The following MARK1 variants were observed in gnomAD, a reference collection of about 807,000 sequenced individuals.
MARK1 encodes the protein microtubule affinity regulating kinase 1.
In MARK1, 40 loss-of-function variants were observed where a neutral mutation model predicts 96.3. That is an observed-to-expected ratio of 0.42 (90% CI 0.32 to 0.54). The LOEUF (loss-of-function observed/expected upper bound fraction) is 0.54. Among genes scored for constraint, MARK1 ranks in the 20% least tolerant of loss-of-function variants. MARK1 has a pLI of 0.16. For missense variants in MARK1, 719 were observed against 984.6 expected (o/e 0.73, Z 3.61); for synonymous variants, 317 against 341.2 (o/e 0.93, Z 0.78).
rs1241818510 is a variant in MARK1, at chr1:220,627,197, A to G, written c.910-3838A>G. 4.8e-5 allele frequency: 23 copies of G among 476,694 alleles called. 1 individual carries two copies. Among genetic ancestry groups the G allele is most frequent in the South Asian group, 3.9e-4 (23 of 59,356 alleles). The allele number at this position is 476,694 out of a possible 1,614,324, so 29.5% of individuals were successfully genotyped here. A position where few individuals can be genotyped will look rare whatever the true frequency, so the allele number is the denominator to read the frequency against. ...GAGGAGAGTGGCGATGAGAGCGAAG[A>G]AGACCCTGACAAATGGATCTCGATC... On this transcript the variant is annotated intron_variant, in intron 9 of 17. Coordinates refer to ENST00000366917, the MANE Select transcript of MARK1 (RefSeq NM_018650.5).
At chr1:220,568,277 C>T (rs188178761) in intron 1 of MARK1, among the ~76,000 whole-genome samples, 1 of 152,180 alleles carries the variant, frequency 6.6e-6, no homozygotes, top group African/African-American at 2.4e-5. Context: ...AAGTAAACCT[C>T]ACTGCAAAGA....
At chr1:220,578,221 T>C (rs2589578) in intron 1 of MARK1, among the ~76,000 whole-genome samples, 28,240 of 152,244 alleles carry the variant, frequency 0.19, 3,339 homozygotes, top group East Asian at 0.36. Context: ...GTGTTTATTA[T>C]GTGTGATTCA....
chr1:220,574,429 TTC>T (rs1663691475), intron 1 of MARK1, among the ~76,000 whole-genome samples: 1 of 152,210 alleles, frequency 6.6e-6, no homozygotes, highest in Non-Finnish European at 1.5e-5. Context: ...TCCCAAGGTT[TTC>T]TCTCTCACTT....
intron 1 of MARK1, among the ~76,000 whole-genome samples, chr1:220,573,848 G>A (rs1437902634): frequency 6.6e-6 from 1 of 151,070 alleles, no homozygotes; most frequent in Admixed American, 6.6e-5. Context: ...ATATATTGTA[G>A]TATATATGTA....
intron 1 of MARK1, among the ~76,000 whole-genome samples, chr1:220,572,297 A>G (rs1258697820): frequency 6.6e-6 from 1 of 152,016 alleles, no homozygotes; most frequent in Admixed American, 6.5e-5. Context: ...GCTGGAGTAC[A>G]ATGGTGCGAT....
rs776815992 is a variant in MARK1 at position 220,635,948 on chromosome 1, A to C, written c.1392A>C (p.Thr464=). The part of the protein sequence containing the change: ...DKDVARKLGS[T]TVGSKSEMTA... Reference sequence around the variant, plus strand: ...ATGTGGCTCGAAAACTTGGCAGCACAACAGTTGGATCAAAAAGCGAGATGA... The same window carrying C: ...ATGTGGCTCGAAAACTTGGCAGCACCACAGTTGGATCAAAAAGCGAGATGA... The change falls in exon 13 of 18, where the codon ACA becomes ACC. Residue 464 remains threonine (T), a synonymous_variant. Coordinates refer to ENST00000366917, the MANE Select transcript of MARK1 (RefSeq NM_018650.5). 9.3e-6 allele frequency: 15 copies of C among 1,613,994 alleles called. No individual in the cohort carries two copies. In the African/African-American group the frequency reaches 1.9e-4, roughly 20 times the overall value.
chr1:220,606,677 T>A (rs949284832), intron 6 of MARK1, among the ~76,000 whole-genome samples: 1 of 152,216 alleles, frequency 6.6e-6, no homozygotes, highest in Non-Finnish European at 1.5e-5. Flanking sequence ...TTTAAGTCTT[T>A]AATCCATCTT....
chr1:220,599,000 T>A (rs1452555092), intron 4 of MARK1, among the ~76,000 whole-genome samples: 1 of 151,906 alleles, frequency 6.6e-6, no homozygotes, highest in Non-Finnish European at 1.5e-5. Context: ...TCTAAATAGA[T>A]ATTGCAGGTC....
intron 1 of MARK1, among the ~76,000 whole-genome samples, chr1:220,574,841 A>G (rs1572106586): frequency 6.6e-6 from 1 of 152,190 alleles, no homozygotes; most frequent in East Asian, 1.9e-4. Context: ...TATTGGTGCT[A>G]ATATCACTTG....
chr1:220,632,326 C>A lies in MARK1; in HGVS notation c.1122+13C>A. The stretch of plus-strand genomic sequence containing the variant: ...AAAACCACCTGAAGTAAGTTTTTCA[C>A]CTTTTCAGATTACTGTGAATTATTT... On this transcript the variant is annotated intron_variant, in intron 11 of 17. Coordinates refer to ENST00000366917, the MANE Select transcript of MARK1 (RefSeq NM_018650.5). The A allele has an allele frequency of 8.4e-7, 1 of 1,196,086 alleles. No individual in the cohort carries two copies. Among genetic ancestry groups the A allele is most frequent in the Non-Finnish European group, 1.2e-6 (1 of 841,768 alleles). The allele number at this position is 1,196,086 out of a possible 1,614,324, so 74.1% of individuals were successfully genotyped here. A position where few individuals can be genotyped will look rare whatever the true frequency, so the allele number is the denominator to read the frequency against.
At chr1:220,603,304 C>G (rs1363332227) in intron 5 of MARK1, among the ~76,000 whole-genome samples, 2 of 151,980 alleles carry the variant, frequency 1.3e-5, no homozygotes, top group Admixed American at 1.3e-4. Context: ...GAAAAACTTA[C>G]AGACATGTAA....
intron 1 of MARK1, among the ~76,000 whole-genome samples, chr1:220,575,933 C>T (rs1006884341): frequency 1.2e-4 from 18 of 150,140 alleles, no homozygotes; most frequent in Non-Finnish European, 1.8e-4. Flanking sequence ...AAGGATTCTG[C>T]TCCCATACAG....
intron 5 of MARK1, among the ~76,000 whole-genome samples, chr1:220,601,643 G>C (rs774887017): frequency 6.6e-6 from 1 of 152,120 alleles, no homozygotes; most frequent in Non-Finnish European, 1.5e-5. Context: ...TTTGATATGG[G>C]AAATCATAGA....
At chr1:220,565,097 T>C (rs1337632759) in intron 1 of MARK1, among the ~76,000 whole-genome samples, 2 of 152,202 alleles carry the variant, frequency 1.3e-5, no homozygotes, top group Non-Finnish European at 2.9e-5. Flanking sequence ...TATATTTCAG[T>C]AAGGTATTGT....
chr1:220,657,777 A>G lies in MARK1; in HGVS notation c.1989-13A>G, dbSNP rs780522290. 4 of 1,556,204 alleles carry G rather than the reference A, an allele frequency of 2.6e-6. No homozygotes were observed. In the Admixed American group the frequency reaches 8.7e-5, roughly 34 times the overall value. ...CTTTTATCATTAAATCTCAACCTTC[A>G]CTTTGTTTTGAGGGATCCAAGTGAA... On this transcript the variant is annotated splice_polypyrimidine_tract_variant and intron_variant, in intron 16 of 17. Coordinates refer to ENST00000366917, the MANE Select transcript of MARK1 (RefSeq NM_018650.5).
intron 9 of MARK1, among the ~76,000 whole-genome samples, chr1:220,620,401 C>G (rs951930231): frequency 3.3e-5 from 5 of 152,072 alleles, no homozygotes; most frequent in African/African-American, 4.8e-5. Context: ...GTTTTGTAAT[C>G]CTGTTTTGTG....
In MARK1 at chr1:220,622,632, C is replaced by T. The variant is rs1450774177; in HGVS notation, c.909+3877C>T. 2.0e-5 allele frequency among the ~76,000 whole-genome samples: 3 copies of T among 152,152 alleles called. No individual in the cohort carries two copies. In the South Asian group the frequency reaches 6.2e-4, roughly 32 times the overall value. ...GCACCTCAGGCCAGGCTTGATGGCT[C>T]ATGACTGTAATCCAAATACTTTGGG... On this transcript the variant is annotated intron_variant, in intron 9 of 17. Transcript: ENST00000366917.
chr1:220,626,231 A>G (rs1667321654), intron 9 of MARK1: 17 of 534,238 alleles, frequency 3.2e-5, no homozygotes, highest in South Asian at 2.5e-4. Context: ...CTGCTAACCT[A>G]TCACCAGAGG....
At chr1:220,629,173 A>G (rs1184816873) in intron 9 of MARK1, among the ~76,000 whole-genome samples, 1 of 152,180 alleles carries the variant, frequency 6.6e-6, no homozygotes, top group Non-Finnish European at 1.5e-5. Context: ...AAGATGGAGA[A>G]TGTACTTTAC....
Sources: gnomAD v4.1 joint callset for allele counts (sites outside exome capture counted in the v4.1 genomes callset) on GRCh38, gnomAD v4.1.1 for gene constraint, MANE v1.5 for transcripts, NCBI Gene and HGNC (gene_info 2026-07-23, HGNC 2026-07-21) for gene names.